HYCC2: variants seen among roughly 807,000 people sequenced by gnomAD.
HYCC2 encodes hyccin 2.
the HYCC2 span, among the ~76,000 whole-genome samples, chr2:200,987,923 T>C: frequency 6.6e-6 from 1 of 152,196 alleles, no homozygotes; most frequent in Admixed American, 6.5e-5. Flanking sequence ...GCCAGTTATA[T>C]AGTTTTTCCC....
chr2:201,033,171 G>A, the HYCC2 span, among the ~76,000 whole-genome samples: 3 of 143,604 alleles, frequency 2.1e-5, no homozygotes, highest in South Asian at 6.4e-4. Context: ...GTGTGTGTGT[G>A]TGTGTGTGTG....
the HYCC2 span, among the ~76,000 whole-genome samples, chr2:200,998,509 C>T: frequency 2.6e-5 from 4 of 152,152 alleles, no homozygotes; most frequent in Non-Finnish European, 5.9e-5. Flanking sequence ...CTCTTTCACC[C>T]GTTTAGTAAT....
chr2:201,019,662 C>T, the HYCC2 span, among the ~76,000 whole-genome samples: 2 of 151,662 alleles, frequency 1.3e-5, no homozygotes, highest in Admixed American at 1.3e-4. Flanking sequence ...GGGGCTGAGG[C>T]AGAAGAATTG....
chr2:200,987,421 C>G, the HYCC2 span: 1 of 1,289,794 alleles, frequency 7.8e-7, no homozygotes, highest in African/African-American at 1.5e-5. Context: ...AGGGGTCCTG[C>G]GCACCAGCAC....
the HYCC2 span, chr2:201,022,963 TG>T: frequency 1.4e-6 from 2 of 1,440,166 alleles, no homozygotes; most frequent in Non-Finnish European, 1.9e-6. Context: ...AAAACAAAAG[TG>T]AACATTTGAG....
At chr2:201,023,938 C>G in the HYCC2 span, 1 of 1,585,400 alleles carries the variant, frequency 6.3e-7, no homozygotes, top group Non-Finnish European at 8.7e-7. Flanking sequence ...ATAATACATT[C>G]TGATCTCCAA....
At chr2:201,028,013 G>A in the HYCC2 span, among the ~76,000 whole-genome samples, 1 of 152,292 alleles carries the variant, frequency 6.6e-6, no homozygotes, top group East Asian at 1.9e-4. Flanking sequence ...AGGAAAAGAA[G>A]AAGTCAAATT....
At chr2:200,980,643 T>G in the HYCC2 span, 1 of 153,142 alleles carries the variant, frequency 6.5e-6, no homozygotes, top group Admixed American at 6.5e-5. Flanking sequence ...GCCTCCGTAA[T>G]TGAACATTTA....
the HYCC2 span, among the ~76,000 whole-genome samples, chr2:200,990,331 C>G: frequency 6.6e-6 from 1 of 152,144 alleles, no homozygotes; most frequent in African/African-American, 2.4e-5. Context: ...AGGGGATAGT[C>G]AGAGTTGTGT....
chr2:201,044,448 G>A, the HYCC2 span, among the ~76,000 whole-genome samples: 1 of 152,238 alleles, frequency 6.6e-6, no homozygotes, highest in East Asian at 1.9e-4. Flanking sequence ...ATAAGCTGCT[G>A]GAATGTGATC....
chr2:200,981,089 G>GA, the HYCC2 span: 2 of 706,438 alleles, frequency 2.8e-6, no homozygotes, highest in Non-Finnish European at 4.7e-6. The surrounding 1 kb of genome is among the most constrained non-coding windows in gnomAD (Gnocchi z 4.5). Context: ...GAAGATGTAG[G>GA]AAAGAGGGAT....
the HYCC2 span, among the ~76,000 whole-genome samples, chr2:200,999,790 G>A: frequency 4.0e-5 from 6 of 150,426 alleles, no homozygotes; most frequent in African/African-American, 7.3e-5. Context: ...AGGGCTGGGC[G>A]CAGTGGCTCA....
At chr2:201,006,517 G>A in the HYCC2 span, among the ~76,000 whole-genome samples, 1 of 151,892 alleles carries the variant, frequency 6.6e-6, no homozygotes, top group Non-Finnish European at 1.5e-5. Flanking sequence ...AGCAAGAGAT[G>A]ATACTATTAG....
the HYCC2 span, among the ~76,000 whole-genome samples, chr2:201,058,779 C>A: frequency 6.6e-6 from 1 of 152,210 alleles, no homozygotes; most frequent in South Asian, 2.1e-4. Context: ...TGACACTTTT[C>A]TCTGGTCAGA....
the HYCC2 span, among the ~76,000 whole-genome samples, chr2:201,059,475 T>C: frequency 6.6e-6 from 1 of 152,134 alleles, no homozygotes; most frequent in Admixed American, 6.5e-5. Flanking sequence ...GCTAGGCAGA[T>C]ACCCAACCAA....
the HYCC2 span, among the ~76,000 whole-genome samples, chr2:201,060,188 G>A: frequency 6.6e-6 from 1 of 151,670 alleles, no homozygotes; most frequent in African/African-American, 2.4e-5. Context: ...ATTGAATGAA[G>A]AGCTTAACAG....
the HYCC2 span, among the ~76,000 whole-genome samples, chr2:201,069,759 A>C: frequency 1.3e-5 from 2 of 152,174 alleles, no homozygotes; most frequent in Non-Finnish European, 2.9e-5. Flanking sequence ...ACATCAATAA[A>C]AATTTTTATC....
chr2:201,016,242 G>A, the HYCC2 span, among the ~76,000 whole-genome samples: 51 of 152,230 alleles, frequency 3.4e-4, no homozygotes, highest in African/African-American at 1.2e-3. Flanking sequence ...ATCTACCCCT[G>A]TACTCAACCT....
chr2:200,992,983 G>A, the HYCC2 span: 7 of 1,612,730 alleles, frequency 4.3e-6, no homozygotes, highest in Non-Finnish European at 5.9e-6. Flanking sequence ...ATGTTGCCGT[G>A]GAAAGCCACT....
Sources: gnomAD v4.1 joint callset for allele counts (sites outside exome capture counted in the v4.1 genomes callset) on GRCh38, gnomAD v4.1.1 for gene constraint, Gnocchi (gnomAD v3.1) non-coding constraint, MANE v1.5 for transcripts, NCBI Gene and HGNC (gene_info 2026-07-23, HGNC 2026-07-21) for gene names.